Variants in CDKAL1 observed in about 807,000 individuals in gnomAD.
CDKAL1 encodes the protein CDKAL1 threonylcarbamoyladenosine tRNA methylthiotransferase, also known as threonylcarbamoyladenosine tRNA methylthiotransferase.
A neutral mutation model predicts 68.2 loss-of-function variants in CDKAL1; 32 were observed. That is an observed-to-expected ratio of 0.47 (90% CI 0.35 to 0.63). The LOEUF (loss-of-function observed/expected upper bound fraction) is 0.63. Among genes scored for constraint, CDKAL1 ranks in the 30% least tolerant of loss-of-function variants. The pLI, the probability that CDKAL1 is intolerant of heterozygous loss-of-function variation, is 0.00. For missense variants in CDKAL1, 606 were observed against 696.7 expected (o/e 0.87, Z 1.47); for synonymous variants, 234 against 244.3 (o/e 0.96, Z 0.39).
chr6:20,935,830 G>A (rs971236765), intron 9 of CDKAL1, among the ~76,000 whole-genome samples: 1 of 152,110 alleles, frequency 6.6e-6, no homozygotes, highest in Non-Finnish European at 1.5e-5. Flanking sequence ...TTGGCCTCCC[G>A]AAGAGCTAGG....
intron 5 of CDKAL1, among the ~76,000 whole-genome samples, chr6:20,707,638 G>C (rs1293765356): frequency 6.6e-6 from 1 of 152,164 alleles, no homozygotes; most frequent in African/African-American, 2.4e-5. Flanking sequence ...AGGATATGTA[G>C]TCATTTTACT....
chr6:20,767,512 T>TCACAGTCAAG (rs1225103434), intron 7 of CDKAL1, among the ~76,000 whole-genome samples: 2 of 152,138 alleles, frequency 1.3e-5, no homozygotes, highest in Non-Finnish European at 2.9e-5. Flanking sequence ...ATTTATTATG[T>TCACAGTCAAG]CACAGTCAAG....
At chr6:20,943,261 C>G (rs1211400530) in intron 9 of CDKAL1, among the ~76,000 whole-genome samples, 5 of 133,708 alleles carry the variant, frequency 3.7e-5, no homozygotes, top group African/African-American at 1.4e-4. Context: ...TTTCTTTGTT[C>G]TTGTATACAA....
intron 13 of CDKAL1, among the ~76,000 whole-genome samples, chr6:21,123,122 G>A (rs753359860): frequency 6.6e-6 from 1 of 152,018 alleles, no homozygotes; most frequent in Non-Finnish European, 1.5e-5. Context: ...AGGTTTTCTG[G>A]CTAATATTAT....
rs183535971 is a variant in CDKAL1, at chr6:21,108,775, G to A, written c.1299+312G>A. Among the ~76,000 whole-genome samples the A allele has an allele frequency of 1.6e-4, 24 of 152,278 alleles. 1 individual carries two copies. The highest frequency in any genetic ancestry group is 4.3e-4 in the African/African-American group (18 of 41,556). On this transcript the variant is annotated intron_variant, in intron 13 of 15. Transcript: ENST00000274695. The stretch of plus-strand genomic sequence containing the variant: ...TTTTTTCTTTCCAAACACTGTACTG[G>A]AGGAACTTGGGTTTTGGATTGGTAA...
At chr6:20,577,652 T>G (rs1764969353) in intron 4 of CDKAL1, among the ~76,000 whole-genome samples, 1 of 152,246 alleles carries the variant, frequency 6.6e-6, no homozygotes, top group Admixed American at 6.5e-5. Context: ...ACCATGTTAA[T>G]GTAGGATTCT....
At chr6:20,933,931 T>G (rs995167184) in intron 9 of CDKAL1, among the ~76,000 whole-genome samples, 1 of 151,964 alleles carries the variant, frequency 6.6e-6, no homozygotes, top group East Asian at 1.9e-4. Context: ...AATCTTTTTT[T>G]TTTTTTTAAA....
intron 15 of CDKAL1, among the ~76,000 whole-genome samples, chr6:21,211,247 T>C (rs1254679993): frequency 6.6e-6 from 1 of 152,166 alleles, no homozygotes; most frequent in Non-Finnish European, 1.5e-5. Flanking sequence ...GACTAAGAAG[T>C]TGTGGGCAGT....
At chr6:21,230,669 G>A (rs1274488843) in intron 15 of CDKAL1, among the ~76,000 whole-genome samples, 179 bp from the exon 16 acceptor site, 1 of 151,968 alleles carries the variant, frequency 6.6e-6, no homozygotes, top group African/African-American at 2.4e-5. Flanking sequence ...TCAAGGAAAG[G>A]AACTGACTCA....
chr6:21,191,449 A>T (rs9465990), intron 13 of CDKAL1, among the ~76,000 whole-genome samples: 34,035 of 152,192 alleles, frequency 0.22, 4,177 homozygotes, highest in African/African-American at 0.31. Context: ...AATTGAATTT[A>T]AAAACATTGC....
chr6:20,666,209 AT>A (rs1202492128), intron 5 of CDKAL1, among the ~76,000 whole-genome samples: 2 of 151,950 alleles, frequency 1.3e-5, no homozygotes, highest in African/African-American at 4.8e-5. Context: ...AAATGGAAAG[AT>A]TTTCATTCTT....
intron 13 of CDKAL1, among the ~76,000 whole-genome samples, chr6:21,194,361 A>G (rs1778382472): frequency 6.6e-6 from 1 of 152,184 alleles, no homozygotes; most frequent in Non-Finnish European, 1.5e-5. Flanking sequence ...TTAGGCAAGG[A>G]TCTGTCAGTG....
At chr6:20,868,452 G>A (rs1284925983) in intron 9 of CDKAL1, among the ~76,000 whole-genome samples, 1 of 152,226 alleles carries the variant, frequency 6.6e-6, no homozygotes, top group African/African-American at 2.4e-5. Flanking sequence ...TAGCCATTGT[G>A]CTGAATAAGC....
intron 4 of CDKAL1, among the ~76,000 whole-genome samples, chr6:20,612,605 T>C (rs1766668484): frequency 6.6e-6 from 1 of 152,112 alleles, no homozygotes; most frequent in Admixed American, 6.6e-5. Context: ...TAGATTTTTT[T>C]TTTGCTGTTG....
intron 4 of CDKAL1, among the ~76,000 whole-genome samples, chr6:20,630,832 C>T: frequency 6.6e-6 from 1 of 152,174 alleles, no homozygotes; most frequent in East Asian, 1.9e-4. Context: ...CTTTCTATTT[C>T]TGTTTCCGCA....
At position 20,781,649 on chromosome 6, in the gene CDKAL1, G is replaced by A. The variant is rs558947912; in HGVS notation, c.638+384G>A. ...AAATGTTGCCCAAGATACTAACCAC[G>A]TTTTGATTATTCACTATTTGAAATG... On this transcript the variant is annotated intron_variant, in intron 8 of 15. Transcript: ENST00000274695. 1.9e-4 allele frequency among the ~76,000 whole-genome samples: 29 copies of A among 152,042 alleles called. No homozygotes were observed. In the East Asian group the frequency reaches 5.0e-3, roughly 26 times the overall value.
At chr6:20,689,160 T>C (rs1770761430) in intron 5 of CDKAL1, among the ~76,000 whole-genome samples, 1 of 152,212 alleles carries the variant, frequency 6.6e-6, no homozygotes, top group Non-Finnish European at 1.5e-5. Flanking sequence ...TAGTTTCTTT[T>C]ACCTTTCCCC....
At chr6:20,842,226 T>G (rs1229880521) in intron 8 of CDKAL1, among the ~76,000 whole-genome samples, 1 of 152,348 alleles carries the variant, frequency 6.6e-6, no homozygotes, top group South Asian at 2.1e-4. Context: ...ATGCTTATTC[T>G]TTCTTTTCTG....
At chr6:20,663,859 T>C (rs1449965221) in intron 5 of CDKAL1, among the ~76,000 whole-genome samples, 1 of 152,142 alleles carries the variant, frequency 6.6e-6, no homozygotes, top group Non-Finnish European at 1.5e-5. Context: ...AAACTCATTT[T>C]ATAATTAAGC....
Sources: gnomAD v4.1 joint callset for allele counts (sites outside exome capture counted in the v4.1 genomes callset) on GRCh38, gnomAD v4.1.1 for gene constraint, MANE v1.5 for transcripts, NCBI Gene and HGNC (gene_info 2026-07-23, HGNC 2026-07-21) for gene names.